The following MYBPC1 variants were observed in gnomAD, a reference collection of about 807,000 sequenced individuals.
MYBPC1 encodes myosin-binding protein C, slow-type.
In MYBPC1, 52 loss-of-function variants were observed where a neutral mutation model predicts 147.1. The ratio of observed to expected loss-of-function variants is 0.35; its 90% CI spans 0.28 to 0.45. The LOEUF (loss-of-function observed/expected upper bound fraction) is 0.45, where lower values mean the gene tolerates loss of function less well. Among genes scored for constraint, MYBPC1 ranks in the 20% least tolerant of loss-of-function variants. The pLI is 1.00. For synonymous variants in MYBPC1, 477 were observed against 475.9 expected (o/e 1.00, Z -0.03); for missense variants, 1,228 against 1,440.3 (o/e 0.85, Z 2.39).
At chr12:101,652,616 C>G (rs1997205) in intron 16 of MYBPC1, 62 bp from the exon 17 acceptor site, 1 of 1,174,520 alleles carries the variant, frequency 8.5e-7, no homozygotes, top group Non-Finnish European at 1.3e-6. Context: ...GTCTTTTCAG[C>G]TTGGGTCATA....
downstream of MYBPC1, among the ~76,000 whole-genome samples, chr12:101,689,435 C>G (rs958318348): frequency 1.3e-5 from 2 of 152,030 alleles, no homozygotes; most frequent in Non-Finnish European, 2.9e-5. Flanking sequence ...ATGGTCAAAC[C>G]CAGTATGGTT....
intron 1 of MYBPC1, among the ~76,000 whole-genome samples, chr12:101,604,791 G>T (rs1424257632): frequency 6.6e-6 from 1 of 151,966 alleles, no homozygotes; most frequent in Non-Finnish European, 1.5e-5. Flanking sequence ...GTCTTCTTTA[G>T]TACTCTTGTC....
chr12:101,610,886 C>G (rs749506517), intron 1 of MYBPC1, among the ~76,000 whole-genome samples: 3 of 152,136 alleles, frequency 2.0e-5, no homozygotes, highest in Admixed American at 6.5e-5. Flanking sequence ...GTCAAGCAAG[C>G]CTGGATCACA....
chr12:101,649,718 T>A (rs1347417686), intron 15 of MYBPC1, among the ~76,000 whole-genome samples: 2 of 152,194 alleles, frequency 1.3e-5, no homozygotes, highest in East Asian at 3.8e-4. Context: ...TTAGATACGA[T>A]GTCATATCCT....
chr12:101,677,171 A>G (rs1374987090), intron 26 of MYBPC1, 64 bp from the exon 27 acceptor site: 63 of 1,520,428 alleles, frequency 4.1e-5, no homozygotes, highest in Non-Finnish European at 5.5e-5. Context: ...ATCCCAATCT[A>G]CAGTTAGAAA....
At position 101,661,106 on chromosome 12, in the gene MYBPC1, T is replaced by C. The variant is rs573159237; in HGVS notation, c.1928-52T>C. 1.3e-4 allele frequency: 160 copies of C among 1,219,528 alleles called. 4 individuals carry two copies. The South Asian group carries it at 2.0e-3, about 15-fold the overall frequency. 75.5% of individuals were successfully genotyped at this position (1,219,528 alleles called of 1,614,324 possible). On this transcript the variant is annotated intron_variant, in intron 19 of 31. Coordinates refer to ENST00000361466, the MANE Select transcript of MYBPC1 (RefSeq NM_002465.4). ...AACATATTTTCCTATTAACTTTTTTTTTCTACTCCCTCTTCCTTATTTTAC... is the reference window on the plus strand; with the variant it reads ...AACATATTTTCCTATTAACTTTTTTCTTCTACTCCCTCTTCCTTATTTTAC...
chr12:101,658,760 C>T (rs1896032017), intron 18 of MYBPC1, among the ~76,000 whole-genome samples: 2 of 152,116 alleles, frequency 1.3e-5, no homozygotes. Flanking sequence ...AAATTTTGTT[C>T]TATTACAAAA....
At position 101,625,139 on chromosome 12, in the gene MYBPC1, G is replaced by A. The variant is rs1448509741; in HGVS notation, c.104-1733G>A. On this transcript the variant is annotated intron_variant, in intron 3 of 31. Coordinates refer to ENST00000361466, the MANE Select transcript of MYBPC1 (RefSeq NM_002465.4). ...TGTGATAGAATGTGGGCTTTTTCAA[G>A]GATGAAGACACAAGTCTTAACCACA... Among the ~76,000 whole-genome samples the A allele has an allele frequency of 2.0e-5, 3 of 151,130 alleles. No individual in the cohort carries two copies. The East Asian group carries it at 5.8e-4, about 29-fold the overall frequency.
chr12:101,640,046 A>G (rs1438153058), intron 10 of MYBPC1, among the ~76,000 whole-genome samples: 1 of 152,124 alleles, frequency 6.6e-6, no homozygotes, highest in African/African-American at 2.4e-5. Flanking sequence ...ACAGGGCCTC[A>G]CTTTGTCACC....
chr12:101,652,604 G>T, intron 16 of MYBPC1, 74 bp from the exon 17 acceptor site: 1 of 1,017,264 alleles, frequency 9.8e-7, no homozygotes, highest in Non-Finnish European at 1.6e-6. Context: ...TAAAGGTCAA[G>T]TGTCTTTTCA....
At position 101,670,889 on chromosome 12, in the gene MYBPC1, T is replaced by G. The variant is rs10860766; in HGVS notation, c.2613+480T>G. Among the ~76,000 whole-genome samples the G allele has an allele frequency of 3.3e-5, 5 of 152,194 alleles. No homozygotes were observed. In the East Asian group the frequency reaches 9.7e-4, roughly 29 times the overall value. On this transcript the variant is annotated intron_variant, in intron 24 of 31. Transcript: ENST00000361466. ...AATAACGATGACACTAACTGAAATA[T>G]ATGAACAATATTAAATCATTGTTCC...
intron 6 of MYBPC1, 142 bp from the exon 7 acceptor site, chr12:101,631,429 T>C: frequency 1.0e-6 from 1 of 973,046 alleles, no homozygotes; most frequent in Non-Finnish European, 1.6e-6. Context: ...CATAAAAAAA[T>C]CAGGACGAAT....
At chr12:101,674,862 CAAAAAAAAA>C (rs62824364) in intron 25 of MYBPC1, among the ~76,000 whole-genome samples, 1 of 59,866 alleles carries the variant, frequency 1.7e-5, no homozygotes, top group Admixed American at 2.1e-4. Context: ...ACTCTGTCTC[CAAAAAAAAA>C]AAAAAAAAAA....
chr12:101,684,397 GA>G lies in MYBPC1; in HGVS notation c.3509del (p.Asp1170ValfsTer26). On this transcript the variant is annotated frameshift_variant, in exon 31 of 32. Transcript: ENST00000361466. LOFTEE classifies it high-confidence loss of function. ...TTTTCCTTAGTCATTGCACAATAAG[GA>G]TTTTTGAATGTATAATATCATCTAA... ...EGQQQSLHNK[D>X]F is the part of the protein sequence containing the mutation. 1 of 1,588,550 alleles carries G rather than the reference GA, an allele frequency of 6.3e-7. No homozygotes were observed. The highest frequency in any genetic ancestry group is 8.6e-7 in the Non-Finnish European group (1 of 1,164,936).
In MYBPC1 at chr12:101,594,989, A is replaced by C; in HGVS notation, c.-82A>C. 1 of 1,391,256 alleles carries C rather than the reference A, an allele frequency of 7.2e-7. No homozygotes were observed. Among genetic ancestry groups the C allele is most frequent in the East Asian group, 2.3e-5 (1 of 43,718 alleles). 86.2% of individuals were successfully genotyped at this position (1,391,256 alleles called of 1,614,324 possible). A position where few individuals can be genotyped will look rare whatever the true frequency, so the allele number is the denominator to read the frequency against. The stretch of plus-strand genomic sequence containing the variant: ...ACTGCTTGTCACACCGACCTGCACC[A>C]TCTCTCGCCTGCCTGTGGGGTTTCT... On this transcript the variant is annotated 5_prime_UTR_variant, in exon 1 of 32. Transcript: ENST00000361466.
Position 101,674,862 on chromosome 12 carries a change from C to CAAAAAAAAAAAA in MYBPC1, c.2810-419_2810-408dup, listed in dbSNP as rs62824364. On this transcript the variant is annotated intron_variant, in intron 25 of 31. Coordinates refer to ENST00000361466, the MANE Select transcript of MYBPC1 (RefSeq NM_002465.4). Reference sequence around the variant, plus strand: ...GGGTGACAGACCATGACTCTGTCTCCAAAAAAAAAAAAAAAAAAAAAAGGA... The same window carrying CAAAAAAAAAAAA: ...GGGTGACAGACCATGACTCTGTCTCCAAAAAAAAAAAAAAAAAAAAAAAAAAAAAAAAAAGGA... Among the ~76,000 whole-genome samples, 29 of 59,832 alleles carry CAAAAAAAAAAAA rather than the reference C, an allele frequency of 4.8e-4. 1 individual carries two copies. The highest frequency in any genetic ancestry group is 2.3e-3 in the African/African-American group (28 of 12,132). 39.3% of individuals were successfully genotyped at this position (59,832 alleles called of 152,430 possible).
chr12:101,619,704 G>A (rs2135899950), intron 3 of MYBPC1, among the ~76,000 whole-genome samples: 1 of 152,276 alleles, frequency 6.6e-6, no homozygotes, highest in South Asian at 2.1e-4. Context: ...CTTGCCTAAA[G>A]CTACTGAAAA....
chr12:101,608,358 T>C (rs971955955), intron 1 of MYBPC1, among the ~76,000 whole-genome samples: 2 of 152,212 alleles, frequency 1.3e-5, no homozygotes, highest in African/African-American at 4.8e-5. Context: ...ATTCAAAAAG[T>C]TTTAAAATAT....
intron 29 of MYBPC1, among the ~76,000 whole-genome samples, chr12:101,681,593 T>TATATATATATA (rs56234991): frequency 2.5e-3 from 20 of 8,106 alleles, no homozygotes; most frequent in South Asian, 6.2e-3. Context: ...TATATATATA[T>TATATATATATA]TTTTTTTTTT....
Sources: gnomAD v4.1 joint callset for allele counts (sites outside exome capture counted in the v4.1 genomes callset) on GRCh38, gnomAD v4.1.1 for gene constraint, MANE v1.5 for transcripts, NCBI Gene and HGNC (gene_info 2026-07-23, HGNC 2026-07-21) for gene names.